Variants in ANKRD30BL observed in about 807,000 individuals in gnomAD.
The protein encoded by ANKRD30BL is putative ankyrin repeat domain-containing protein 30B-like.
Under a neutral mutation model 18.4 loss-of-function variants are expected in ANKRD30BL, and 20 were observed. The ratio of observed to expected loss-of-function variants is 1.09; its 90% CI spans 0.77 to 1.58. The LOEUF is 1.58. Among genes scored for constraint, ANKRD30BL ranks in the 40% most tolerant of loss-of-function variants. The probability of loss-of-function intolerance (pLI) is 0.00; values close to 1 mark genes in which losing one functional copy is unlikely to be tolerated. For missense variants in ANKRD30BL, 224 were observed against 268.6 expected (o/e 0.83, Z 1.16); for synonymous variants, 72 against 100.9 (o/e 0.71, Z 1.72).
intron 1 of ANKRD30BL, among the ~76,000 whole-genome samples, chr2:132,253,678 C>T (rs1420844808): frequency 6.6e-6 from 1 of 152,018 alleles, no homozygotes; most frequent in Non-Finnish European, 1.5e-5. Flanking sequence ...GAGGGGCGGG[C>T]CCCTCCTGAA....
chr2:132,149,411 G>A (rs1415341476), intron 5 of ANKRD30BL, among the ~76,000 whole-genome samples: 3 of 152,150 alleles, frequency 2.0e-5, no homozygotes, highest in Non-Finnish European at 4.4e-5. Context: ...TTTCAACTTA[G>A]AGGGAATGAA....
At chr2:132,218,218 A>T (rs548757703) in intron 1 of ANKRD30BL, among the ~76,000 whole-genome samples, 27 of 152,164 alleles carry the variant, frequency 1.8e-4, no homozygotes, top group African/African-American at 6.3e-4. Flanking sequence ...CAGCTTTGAA[A>T]CACTCTTTTT....
intron 1 of ANKRD30BL, among the ~76,000 whole-genome samples, chr2:132,220,261 G>A (rs373688424): frequency 6.7e-6 from 1 of 150,364 alleles, no homozygotes; most frequent in Non-Finnish European, 1.5e-5. Flanking sequence ...GACAGAGCAG[G>A]TTTGAAACAC....
chr2:132,233,636 C>G (rs894765760), intron 1 of ANKRD30BL, among the ~76,000 whole-genome samples: 13 of 151,396 alleles, frequency 8.6e-5, no homozygotes, highest in African/African-American at 3.2e-4. Context: ...GAAGAGCTAA[C>G]TATCCTAAAT....
In ANKRD30BL at chr2:132,178,999, G is replaced by T. The variant is rs544950494; in HGVS notation, n.442-21853C>A. Among the ~76,000 whole-genome samples the T allele has an allele frequency of 3.5e-3, 532 of 151,746 alleles. 5 individuals are homozygous for T. The highest frequency in any genetic ancestry group is 0.012 in the African/African-American group (492 of 41,308). On this transcript the variant is annotated intron_variant and non_coding_transcript_variant, in intron 1 of 4. Coordinates refer to the ANKRD30BL transcript ENST00000470729. ...AGATACAACTGATTTTTGAAGACTA[G>T]TAATTTTACAGTCATGCACCATGTA...
chr2:132,165,468 C>T (rs1290555442), upstream of ANKRD30BL, among the ~76,000 whole-genome samples: 1 of 151,292 alleles, frequency 6.6e-6, no homozygotes, highest in Admixed American at 6.6e-5. Context: ...CCGAGGCGGT[C>T]GCATTGCCTG....
At chr2:132,158,779 CAT>C (rs1323860837) in intron 1 of ANKRD30BL, among the ~76,000 whole-genome samples, 2 of 150,146 alleles carry the variant, frequency 1.3e-5, no homozygotes, top group African/African-American at 2.4e-5. Flanking sequence ...TAATTATTGA[CAT>C]ATATGTAATA....
chr2:132,175,959 G>C (rs1298422106), intron 1 of ANKRD30BL, among the ~76,000 whole-genome samples: 17 of 152,162 alleles, frequency 1.1e-4, no homozygotes, highest in Non-Finnish European at 5.9e-5. Flanking sequence ...AATTGTTCAA[G>C]GTATAGGTCA....
intron 1 of ANKRD30BL, among the ~76,000 whole-genome samples, chr2:132,244,891 T>G (rs891638856): frequency 1.3e-5 from 2 of 152,302 alleles, no homozygotes; most frequent in Non-Finnish European, 2.9e-5. Flanking sequence ...AAGTGGACAT[T>G]TGGAGCGCTT....
intron 1 of ANKRD30BL, among the ~76,000 whole-genome samples, chr2:132,193,175 A>C (rs1166125170): frequency 6.6e-6 from 1 of 152,232 alleles, no homozygotes; most frequent in African/African-American, 2.4e-5. Flanking sequence ...CACAACAAGC[A>C]CAACAGTCAC....
chr2:132,221,726 G>A (rs1330966577), intron 1 of ANKRD30BL, among the ~76,000 whole-genome samples: 14 of 108,138 alleles, frequency 1.3e-4, no homozygotes, highest in South Asian at 6.0e-4. Context: ...CAGCCGCCCC[G>A]TCCGGGAGGT....
chr2:132,218,472 C>T (rs1386962932), intron 1 of ANKRD30BL, among the ~76,000 whole-genome samples: 6 of 151,688 alleles, frequency 4.0e-5, no homozygotes, highest in African/African-American at 1.5e-4. Flanking sequence ...TATATAAAAA[C>T]CAGACAGAAA....
At chr2:132,221,208 C>T (rs1679667617) in intron 1 of ANKRD30BL, among the ~76,000 whole-genome samples, 2 of 145,868 alleles carry the variant, frequency 1.4e-5, no homozygotes, top group Admixed American at 1.3e-4. Flanking sequence ...GGTCAGCCCC[C>T]CGCCCGGCCA....
At chr2:132,207,982 A>G (rs1249130669) in intron 1 of ANKRD30BL, among the ~76,000 whole-genome samples, 1 of 152,158 alleles carries the variant, frequency 6.6e-6, no homozygotes, top group Non-Finnish European at 1.5e-5. Flanking sequence ...ATTGTTTCTC[A>G]AAAAAGGAGG....
chr2:132,157,097 C>T lies in ANKRD30BL; in HGVS notation c.383G>A (p.Gly128Asp), dbSNP rs752154395. ...CACATCTACAATATTTGGATCAGCA[C>T]CAGAATCTATGAGAATATTTGCACA... ...EACANILIDS[G>D]ADPNIVDVYG... Residue 128 changes from glycine to aspartate, a missense_variant, in exon 3 of 6, where the codon GGT (glycine) becomes GAT (aspartate). Physicochemically the swap from Gly to Asp is moderately conservative, Grantham distance 94 (BLOSUM62 -1). Coordinates refer to ENST00000409867, the MANE Select transcript of ANKRD30BL (RefSeq NM_001358416.1). The T allele has an allele frequency of 2.1e-5, 30 of 1,443,780 alleles. No individual in the cohort carries two copies. In the South Asian group the frequency reaches 3.7e-4, roughly 18 times the overall value. The allele number at this position is 1,443,780 out of a possible 1,614,324, so 89.4% of individuals were successfully genotyped here. A position where few individuals can be genotyped will look rare whatever the true frequency, so the allele number is the denominator to read the frequency against.
At chr2:132,257,575 A>G (rs1680898497) in exon 1 of ANKRD30BL, 1 of 182,754 alleles carries the variant, frequency 5.5e-6, no homozygotes, top group African/African-American at 2.4e-5. Flanking sequence ...GCCAGTCGCC[A>G]CGGCAGCGCT....
upstream of ANKRD30BL, among the ~76,000 whole-genome samples, chr2:132,166,051 GC>G (rs975719728): frequency 5.3e-4 from 80 of 152,156 alleles, no homozygotes; most frequent in African/African-American, 1.7e-3. Context: ...TTTGCCATAA[GC>G]TTTTTCTTCA....
intron 1 of ANKRD30BL, among the ~76,000 whole-genome samples, chr2:132,224,914 C>T (rs1339130147): frequency 1.3e-5 from 2 of 151,952 alleles, no homozygotes; most frequent in Non-Finnish European, 2.9e-5. Flanking sequence ...GTTTGAAACA[C>T]TCTTTGCAGA....
intron 1 of ANKRD30BL, among the ~76,000 whole-genome samples, chr2:132,245,118 A>G (rs912847825): frequency 5.2e-5 from 8 of 152,414 alleles, no homozygotes; most frequent in African/African-American, 1.9e-4. Flanking sequence ...AAAACTAGAC[A>G]GAAGCATTCT....
Sources: gnomAD v4.1 joint callset for allele counts (sites outside exome capture counted in the v4.1 genomes callset) on GRCh38, gnomAD v4.1.1 for gene constraint, MANE v1.5 for transcripts, NCBI Gene and HGNC (gene_info 2026-07-23, HGNC 2026-07-21) for gene names.